Variants in SLCO4A1 observed in about 807,000 individuals in gnomAD.
SLCO4A1 encodes solute carrier organic anion transporter family member 4A1, also known as colon organic anion transporter.
A neutral mutation model predicts 64.6 loss-of-function variants in SLCO4A1; 51 were observed. That is an observed-to-expected ratio of 0.79 (90% confidence interval 0.63 to 1.00). SLCO4A1 has a LOEUF of 1.00. Among genes scored for constraint, SLCO4A1 ranks in the 50% least tolerant of loss-of-function variants. The pLI, the probability that SLCO4A1 is intolerant of heterozygous loss-of-function variation, is 0.00. For missense variants in SLCO4A1, 919 were observed against 980.5 expected (o/e 0.94, Z 0.84); for synonymous variants, 471 against 444.9 (o/e 1.06, Z -0.74).
rs1986357546 is a variant in SLCO4A1, at chr20:62,666,455, G to A, written c.1352G>A (p.Gly451Asp). 6.2e-7 allele frequency: 1 copy of A among 1,613,458 alleles called. No individual in the cohort carries two copies. Among genetic ancestry groups the A allele is most frequent in the Non-Finnish European group, 8.5e-7 (1 of 1,179,978 alleles). Reference protein sequence around the residue: ...GFFVNKLRLRGSAVIKFCLFC... With the variant: ...GFFVNKLRLRDSAVIKFCLFC... ...TTTGTGAACAAGCTCAGGCTCCGGG[G>A]CTCCGCGGTCATCAAGTTCTGCCTG... Residue 451 changes from glycine to aspartate, a missense_variant, in exon 7 of 12, where the codon GGC becomes GAC. Gly to Asp is a moderately conservative substitution (Grantham distance 94). Coordinates refer to ENST00000217159, the MANE Select transcript of SLCO4A1 (RefSeq NM_016354.4).
At chr20:62,671,703 C>A in intron 11 of SLCO4A1, 47 bp from the exon 12 acceptor site, 1 of 1,578,222 alleles carries the variant, frequency 6.3e-7, no homozygotes, top group Non-Finnish European at 8.7e-7. Context: ...TATCCAAAGG[C>A]TCTGGCCGAG....
downstream of SLCO4A1, among the ~76,000 whole-genome samples, chr20:62,689,591 C>T (rs1988167828): frequency 6.6e-6 from 1 of 152,220 alleles, no homozygotes; most frequent in South Asian, 2.1e-4. Context: ...GCCGGGTGCC[C>T]AGCACAGCAC....
chr20:62,675,463 T>A (rs1987546105), downstream of SLCO4A1, among the ~76,000 whole-genome samples: 1 of 152,020 alleles, frequency 6.6e-6, no homozygotes, highest in Non-Finnish European at 1.5e-5. Context: ...TAAGCTCCCC[T>A]TGCCTTCCCC....
chr20:62,664,634 C>T (rs1985730193), intron 5 of SLCO4A1, among the ~76,000 whole-genome samples: 1 of 152,216 alleles, frequency 6.6e-6, no homozygotes, highest in African/African-American at 2.4e-5. Context: ...GGGCCACAGG[C>T]ATAGGCTCAG....
chr20:62,667,855 C>T lies in SLCO4A1; in HGVS notation c.1583C>T (p.Ser528Leu). The T allele has an allele frequency of 6.2e-7, 1 of 1,613,758 alleles. No individual in the cohort carries two copies. The highest frequency in any genetic ancestry group is 1.1e-5 in the South Asian group (1 of 91,086). Residue 528 changes from serine to leucine, a missense_variant, in exon 8 of 12, where the codon TCA becomes TTA. Physicochemically the swap from Ser to Leu is moderately radical, Grantham distance 145. Transcript: ENST00000217159. ...GGCTCGGACGGCCTCATGTACTTCT[C>T]ACTGTGCCACGCAGGGTGCCCTGCA... ...VCGSDGLMYF[S>L]LCHAGCPAAT...
chr20:62,652,422 G>T (rs911125365), intron 1 of SLCO4A1, among the ~76,000 whole-genome samples: 1 of 152,070 alleles, frequency 6.6e-6, no homozygotes, highest in Non-Finnish European at 1.5e-5. Context: ...GGCGGCCGGC[G>T]GCCGGTGGAG....
rs1032710250 is a variant in SLCO4A1 at position 62,644,259 on chromosome 20, A to G, written c.-97+1706A>G. On this transcript the variant is annotated intron_variant, in intron 1 of 11. Coordinates refer to ENST00000217159, the MANE Select transcript of SLCO4A1 (RefSeq NM_016354.4). This position sits in a 1 kb window ranked among gnomAD's most constrained non-coding sequence, Gnocchi z 5.4. ...TCGGTGAGACCTGGACGCTGACCAC[A>G]GCCAGGCTGCCCTGACCGCCCTCAG... 2.6e-5 allele frequency among the ~76,000 whole-genome samples: 4 copies of G among 152,366 alleles called. No homozygotes were observed. Among genetic ancestry groups the G allele is most frequent in the Admixed American group, 2.0e-4 (3 of 15,304 alleles).
intron 6 of SLCO4A1, 70 bp downstream of exon 6, chr20:62,665,158 T>A (rs1985870006): frequency 6.6e-7 from 1 of 1,518,990 alleles, no homozygotes; most frequent in Non-Finnish European, 8.9e-7. Flanking sequence ...TTCAAGGGCA[T>A]CTTCTAGAAA....
At position 62,660,438 on chromosome 20, in the gene SLCO4A1, TGTGGGTCGGCGCCTG is replaced by T. The variant is rs752072113; in HGVS notation, c.925_939del (p.Ala309_Gly313del). The stretch of plus-strand genomic sequence containing the variant: ...ACGGAGCTGACCACCGAGAGCCCAC[TGTGGGTCGGCGCCTG>T]GTGGGTCGGCTTCCTGGGCTCTGGG... On this transcript the variant is annotated inframe_deletion, in exon 4 of 12. Transcript: ENST00000217159. The T allele has an allele frequency of 3.1e-6, 5 of 1,600,068 alleles. No individual in the cohort carries two copies. The highest frequency in any genetic ancestry group is 3.3e-5 in the Admixed American group (2 of 59,986).
downstream of SLCO4A1, among the ~76,000 whole-genome samples, chr20:62,676,646 C>T (rs1055009040): frequency 2.6e-5 from 4 of 152,188 alleles, no homozygotes; most frequent in African/African-American, 9.7e-5. Context: ...GAAAACGACA[C>T]GTCGTGGAGA....
chr20:62,669,067 C>T lies in SLCO4A1; in HGVS notation c.2014C>T (p.Leu672Phe). The change falls in exon 11 of 12, where the codon CTC (leucine) becomes TTC (phenylalanine). Residue 672 changes from leucine to phenylalanine, a missense_variant. By Grantham distance (22) the Leu-to-Phe change is conservative. Transcript: ENST00000217159. ...GAGCCGCTACATACTCATCATGGGG[C>T]TCCTGTACAAGGTAAGCAGGCCCAG... ...AMSRYILIMG[L>F]LYKVLGVLFF... The T allele has an allele frequency of 1.9e-6, 3 of 1,610,446 alleles. No individual in the cohort carries two copies. Among genetic ancestry groups the T allele is most frequent in the Non-Finnish European group, 2.5e-6 (3 of 1,179,940 alleles).
chr20:62,656,986 C>A lies in SLCO4A1; in HGVS notation c.532C>A (p.Leu178Met). Residue 178 changes from leucine to methionine, a missense_variant, in exon 2 of 12, where the codon CTG becomes ATG. Leu to Met is a conservative substitution (Grantham distance 15). Coordinates refer to ENST00000217159, the MANE Select transcript of SLCO4A1 (RefSeq NM_016354.4). ...GCCGCGCTGGCTGGGCTGGGGCGTG[C>A]TGCTTATGGGCACGGGGTCGCTGGT... ...HKPRWLGWGV[L>M]LMGTGSLVFA... 1 of 1,569,698 alleles carries A rather than the reference C, an allele frequency of 6.4e-7. No individual in the cohort carries two copies. The highest frequency in any genetic ancestry group is 8.7e-7 in the Non-Finnish European group (1 of 1,152,704).
intron 2 of SLCO4A1, among the ~76,000 whole-genome samples, chr20:62,682,903 G>T (rs1987900294): frequency 6.6e-6 from 1 of 152,224 alleles, no homozygotes; most frequent in Admixed American, 6.5e-5. Context: ...GCTGGACACA[G>T]CATGAGGACG....
intron 1 of SLCO4A1, among the ~76,000 whole-genome samples, chr20:62,646,862 C>T (rs1981429579): frequency 6.6e-6 from 1 of 152,224 alleles, no homozygotes; most frequent in African/African-American, 2.4e-5. Flanking sequence ...GATGATGAGT[C>T]GGAAGGAAGA....
intron 2 of SLCO4A1, among the ~76,000 whole-genome samples, 172 bp from the exon 3 acceptor site, chr20:62,658,505 A>G (rs1984166304): frequency 6.6e-6 from 1 of 152,266 alleles, no homozygotes; most frequent in South Asian, 2.1e-4. Context: ...GACCCATATC[A>G]GGCCCAGTGG....
intron 2 of SLCO4A1, among the ~76,000 whole-genome samples, chr20:62,684,549 C>G (rs1222885049): frequency 6.6e-6 from 1 of 152,200 alleles, no homozygotes; most frequent in Non-Finnish European, 1.5e-5. Flanking sequence ...ACAGGGGAGA[C>G]TGCTTGTCAG....
rs1013092079 is a variant in SLCO4A1, at chr20:62,685,100, C to T, written n.212-341C>T. Among the ~76,000 whole-genome samples, 4 of 151,832 alleles carry T rather than the reference C, an allele frequency of 2.6e-5. No individual in the cohort carries two copies. The highest frequency in any genetic ancestry group is 4.8e-5 in the African/African-American group (2 of 41,294). On this transcript the variant is annotated intron_variant and non_coding_transcript_variant, in intron 2 of 2. Coordinates refer to the SLCO4A1 transcript ENST00000466818. This position sits in a 1 kb window ranked among gnomAD's most constrained non-coding sequence, Gnocchi z 4.6. Reference sequence around the variant, plus strand: ...CATGGAGTGCATGGAGGTTGGGGCACGTGTGACCAGCCAGGGTCATAAAAC... The same window carrying T: ...CATGGAGTGCATGGAGGTTGGGGCATGTGTGACCAGCCAGGGTCATAAAAC...
chr20:62,650,717 T>C (rs1982326165), intron 1 of SLCO4A1: 1 of 152,228 alleles, frequency 6.6e-6, no homozygotes, highest in South Asian at 2.1e-4. Flanking sequence ...GGGCGCTGGC[T>C]GCCTCCACCA....
chr20:62,668,648 C>A, intron 10 of SLCO4A1, 107 bp downstream of exon 10: 1 of 1,100,868 alleles, frequency 9.1e-7, no homozygotes, highest in Non-Finnish European at 1.4e-6. Context: ...CAGCAGGAGG[C>A]TGTTCCCGCC....
Sources: allele counts gnomAD v4.1 joint callset (sites outside exome capture counted in the v4.1 genomes callset), GRCh38; gene constraint gnomAD v4.1.1; non-coding constraint Gnocchi (gnomAD v3.1); transcripts MANE v1.5; gene names NCBI Gene and HGNC (gene_info 2026-07-23, HGNC 2026-07-21).